SAMD3: variants seen among roughly 807,000 people sequenced by gnomAD.
SAMD3 encodes sterile alpha motif domain containing 3.
SAMD3 carries 63 observed loss-of-function variants against 58.5 expected under a neutral mutation model. The ratio of observed to expected loss-of-function variants is 1.08; its 90% CI spans 0.88 to 1.33. SAMD3 has a LOEUF of 1.33. Among genes scored for constraint, SAMD3 ranks in the 40% most tolerant of loss-of-function variants. The pLI is 0.00. For synonymous variants in SAMD3, 220 were observed against 210.3 expected, an observed-to-expected ratio of 1.05 and a Z score of -0.40; for missense variants, 604 against 608.4, an observed-to-expected ratio of 0.99 and a Z score of 0.08.
intron 2 of SAMD3, among the ~76,000 whole-genome samples, chr6:130,281,406 G>A (rs1401729568): frequency 2.0e-5 from 3 of 152,096 alleles, no homozygotes; most frequent in African/African-American, 7.2e-5. Flanking sequence ...TAGGGTTAGA[G>A]GTGCACCATT....
chr6:130,314,544 A>C (rs917144219), intron 1 of SAMD3, among the ~76,000 whole-genome samples: 3 of 152,242 alleles, frequency 2.0e-5, no homozygotes, highest in Admixed American at 1.3e-4. Flanking sequence ...GGTATTAGTC[A>C]TACTTGCTCA....
intron 1 of SAMD3, among the ~76,000 whole-genome samples, chr6:130,353,235 A>G (rs1777732898): frequency 6.6e-6 from 1 of 152,176 alleles, no homozygotes; most frequent in South Asian, 2.1e-4. Flanking sequence ...TTTATTTGAT[A>G]GCTCTGCATT....
chr6:130,355,184 G>A (rs1177030315), intron 1 of SAMD3, among the ~76,000 whole-genome samples: 2 of 152,166 alleles, frequency 1.3e-5, no homozygotes, highest in Non-Finnish European at 2.9e-5. Context: ...AGCACTTTGG[G>A]AGGCCAAGGC....
At chr6:130,194,846 C>T (rs1391959061) in intron 5 of SAMD3, among the ~76,000 whole-genome samples, 1 of 152,200 alleles carries the variant, frequency 6.6e-6, no homozygotes, top group Non-Finnish European at 1.5e-5. Context: ...TGGAAGCCTA[C>T]AGGACCATCA....
intron 2 of SAMD3, among the ~76,000 whole-genome samples, chr6:130,235,305 A>C (rs983137837): frequency 3.3e-5 from 5 of 152,152 alleles, no homozygotes; most frequent in African/African-American, 4.8e-5. Context: ...TCTAAGGTAA[A>C]ACTGTTATTT....
At chr6:130,197,701 GA>G (rs537017034) in intron 5 of SAMD3, among the ~76,000 whole-genome samples, 131 of 152,130 alleles carry the variant, frequency 8.6e-4, no homozygotes, top group African/African-American at 3.1e-3. Context: ...AATCCCGCTC[GA>G]AGCAGCCCTG....
At chr6:130,231,183 G>A (rs958156125) in intron 2 of SAMD3, among the ~76,000 whole-genome samples, 11 of 151,902 alleles carry the variant, frequency 7.2e-5, no homozygotes, top group Admixed American at 3.3e-4. Context: ...AATAATACAC[G>A]ATTTATTTTT....
intron 2 of SAMD3, among the ~76,000 whole-genome samples, chr6:130,267,364 A>C (rs1482260925): frequency 6.6e-6 from 1 of 152,116 alleles, no homozygotes; most frequent in Admixed American, 6.5e-5. Context: ...AAGCTTCATC[A>C]CTACCTTAGT....
chr6:130,299,361 A>G (rs1029616052), intron 2 of SAMD3, among the ~76,000 whole-genome samples: 6 of 152,180 alleles, frequency 3.9e-5, no homozygotes, highest in Non-Finnish European at 8.8e-5. Context: ...TTGCTTCTGA[A>G]TGACTTTTGG....
At chr6:130,185,885 C>T (rs1305630544) in intron 5 of SAMD3, among the ~76,000 whole-genome samples, 1 of 152,120 alleles carries the variant, frequency 6.6e-6, no homozygotes. Context: ...CTTGCTGTGG[C>T]TTCCCAAAGT....
intron 2 of SAMD3, among the ~76,000 whole-genome samples, chr6:130,301,893 A>G (rs770060976): frequency 6.6e-5 from 10 of 152,186 alleles, no homozygotes; most frequent in South Asian, 2.1e-4. Context: ...CTGAGTATCC[A>G]TACACAGAAG....
intron 1 of SAMD3, among the ~76,000 whole-genome samples, chr6:130,314,793 C>T (rs945876481): frequency 6.6e-5 from 10 of 152,130 alleles, no homozygotes; most frequent in Non-Finnish European, 2.9e-5. Context: ...ATAAAATAAA[C>T]TAAGTGTCCT....
intron 1 of SAMD3, among the ~76,000 whole-genome samples, chr6:130,349,599 G>T (rs1296265638): frequency 6.6e-6 from 1 of 152,120 alleles, no homozygotes; most frequent in African/African-American, 2.4e-5. Context: ...ACCAAAAAAA[G>T]TCCAGGACCA....
chr6:130,163,485 T>A (rs1361906317), intron 8 of SAMD3, among the ~76,000 whole-genome samples: 2 of 152,194 alleles, frequency 1.3e-5, no homozygotes, highest in Non-Finnish European at 2.9e-5. Context: ...TGTGTCTCAG[T>A]CAATCAGCAG....
chr6:130,346,564 G>A (rs968275281), intron 1 of SAMD3, among the ~76,000 whole-genome samples: 1 of 152,210 alleles, frequency 6.6e-6, no homozygotes, highest in East Asian at 1.9e-4. Context: ...GCTTGAGTAG[G>A]TAAACAAAGT....
chr6:130,302,952 T>C (rs62433898), intron 2 of SAMD3, among the ~76,000 whole-genome samples: 22,220 of 152,176 alleles, frequency 0.15, 2,061 homozygotes, highest in East Asian at 0.36. Flanking sequence ...AAAAACTGCC[T>C]GTTGGGTACT....
At chr6:130,192,730 G>C (rs1582868462) in intron 5 of SAMD3, among the ~76,000 whole-genome samples, 2 of 152,188 alleles carry the variant, frequency 1.3e-5, no homozygotes, top group East Asian at 3.9e-4. Flanking sequence ...CCGTGACTCG[G>C]ATCGGGGAAC....
intron 7 of SAMD3, among the ~76,000 whole-genome samples, chr6:130,182,239 C>T (rs575767612): frequency 7.0e-6 from 1 of 142,766 alleles, no homozygotes; most frequent in East Asian, 2.0e-4. Flanking sequence ...GTTGTTGTTG[C>T]CTTGTTTTTT....
chr6:130,181,938 A>G lies in SAMD3; in HGVS notation c.654+2165T>C, dbSNP rs111247302. ...AAATTACCTGGGCGTGGTGGGGGGCACCTGTAGTCCCAGCTACTCGGGAGG... is the reference window on the plus strand; with the variant it reads ...AAATTACCTGGGCGTGGTGGGGGGCGCCTGTAGTCCCAGCTACTCGGGAGG... On this transcript the variant is annotated intron_variant, in intron 7 of 11. Transcript: ENST00000439090. Among the ~76,000 whole-genome samples the G allele has an allele frequency of 1.2e-3, 178 of 152,110 alleles. 1 individual carries two copies. The highest frequency in any genetic ancestry group is 2.9e-3 in the Admixed American group (44 of 15,280).
Sources: gnomAD v4.1 joint callset for allele counts (sites outside exome capture counted in the v4.1 genomes callset) on GRCh38, gnomAD v4.1.1 for gene constraint, MANE v1.5 for transcripts, NCBI Gene and HGNC (gene_info 2026-07-23, HGNC 2026-07-21) for gene names.